The following ACTR3B variants were observed in gnomAD, a reference collection of about 807,000 sequenced individuals.
The protein encoded by ACTR3B is actin related protein 3B, also known as actin-related protein 3B.
Under a neutral mutation model 59.0 loss-of-function variants are expected in ACTR3B, and 8 were observed. The observed-to-expected ratio is 0.14, with a 90% CI of 0.08 to 0.24. The LOEUF is 0.24. Among genes scored for constraint, ACTR3B ranks in the 10% least tolerant of loss-of-function variants. The pLI, the probability that ACTR3B is intolerant of heterozygous loss-of-function variation, is 1.00. For synonymous variants in ACTR3B, 148 were observed against 197.9 expected (o/e 0.75, Z 2.12); for missense variants, 245 against 552.3 (o/e 0.44, Z 5.58).
intron 6 of ACTR3B, among the ~76,000 whole-genome samples, chr7:152,819,165 A>T (rs1258544437): frequency 6.6e-6 from 1 of 152,204 alleles, no homozygotes; most frequent in Non-Finnish European, 1.5e-5. Flanking sequence ...ATACCTTACA[A>T]ATACTTGGAC....
At chr7:152,823,899 G>A (rs141966362) in intron 8 of ACTR3B, among the ~76,000 whole-genome samples, 2,137 of 152,298 alleles carry the variant, frequency 0.014, 47 homozygotes, top group African/African-American at 0.047. Flanking sequence ...TATCTTTGGT[G>A]ATTGCCCTTC....
At chr7:152,801,414 G>A (rs996512360) in intron 3 of ACTR3B, among the ~76,000 whole-genome samples, 1 of 152,180 alleles carries the variant, frequency 6.6e-6, no homozygotes, top group Non-Finnish European at 1.5e-5. Context: ...TTCTTTGTTT[G>A]TGGAAATGAG....
intron 2 of ACTR3B, among the ~76,000 whole-genome samples, chr7:152,785,085 C>T (rs2098167134): frequency 6.6e-6 from 1 of 151,016 alleles, no homozygotes; most frequent in African/African-American, 2.5e-5. Flanking sequence ...TAGATTTTAA[C>T]CTTGTTAAGT....
chr7:152,787,822 C>A (rs2098179706), intron 2 of ACTR3B, among the ~76,000 whole-genome samples: 1 of 151,842 alleles, frequency 6.6e-6, no homozygotes, highest in East Asian at 1.9e-4. Context: ...GATTCCTACT[C>A]ATTTTTTTTC....
chr7:152,836,725 T>C (rs1381579721), intron 9 of ACTR3B, among the ~76,000 whole-genome samples: 1 of 152,266 alleles, frequency 6.6e-6, no homozygotes, highest in South Asian at 2.1e-4. Context: ...GATTCGCTGA[T>C]GAGAGCTTTC....
chr7:152,792,442 TA>T (rs1163323501), intron 2 of ACTR3B, among the ~76,000 whole-genome samples: 1 of 152,040 alleles, frequency 6.6e-6, no homozygotes, highest in African/African-American at 2.4e-5. Context: ...AATATTTATT[TA>T]TTTTTTTTTA....
intron 4 of ACTR3B, chr7:152,813,449 A>G (rs1178335087): frequency 6.6e-6 from 1 of 152,248 alleles, no homozygotes; most frequent in African/African-American, 2.4e-5. Flanking sequence ...TATTGTTTTA[A>G]AATAGATACT....
intron 4 of ACTR3B, among the ~76,000 whole-genome samples, chr7:152,805,698 A>ACCAGTGTAGACCTAG (rs566445801): frequency 4.6e-5 from 7 of 151,984 alleles, no homozygotes; most frequent in East Asian, 1.9e-4. Flanking sequence ...CACTTCACTA[A>ACCAGTGTAGACCTAG]CCAGTGTAGA....
intron 4 of ACTR3B, among the ~76,000 whole-genome samples, chr7:152,805,853 T>G (rs1305508957): frequency 6.6e-6 from 1 of 152,234 alleles, no homozygotes; most frequent in Non-Finnish European, 1.5e-5. Context: ...TTAAAAATGT[T>G]TCTTTACTGT....
chr7:152,790,169 T>G (rs2098190678), intron 2 of ACTR3B, among the ~76,000 whole-genome samples: 1 of 152,122 alleles, frequency 6.6e-6, no homozygotes, highest in Non-Finnish European at 1.5e-5. Context: ...ATTTTTAAAT[T>G]TTTCATAGAG....
intron 1 of ACTR3B, among the ~76,000 whole-genome samples, chr7:152,777,077 C>T (rs1214764157): frequency 6.6e-6 from 1 of 151,906 alleles, no homozygotes; most frequent in Non-Finnish European, 1.5e-5. Context: ...GGGTAGGTTC[C>T]TAGAAAGGCA....
intron 1 of ACTR3B, among the ~76,000 whole-genome samples, chr7:152,762,022 A>G (rs926374903): frequency 1.3e-5 from 2 of 152,184 alleles, no homozygotes; most frequent in Non-Finnish European, 2.9e-5. Flanking sequence ...TTGGGTGAAA[A>G]AAGCCTTTTT....
chr7:152,847,081 C>T (rs1043564474), intron 9 of ACTR3B, among the ~76,000 whole-genome samples: 56 of 141,026 alleles, frequency 4.0e-4, no homozygotes, highest in African/African-American at 1.1e-3. Flanking sequence ...CCCCAGTGTC[C>T]GGGCTGTAGT....
chr7:152,828,211 C>G (rs1273536380), intron 9 of ACTR3B, among the ~76,000 whole-genome samples: 1 of 152,062 alleles, frequency 6.6e-6, no homozygotes, highest in Non-Finnish European at 1.5e-5. Flanking sequence ...GAGGCGTGGC[C>G]TTTGCTAGTT....
chr7:152,852,345 C>A (rs1014341452), intron 10 of ACTR3B, 94 bp downstream of exon 10: 9 of 1,441,808 alleles, frequency 6.2e-6, no homozygotes, highest in Non-Finnish European at 7.4e-6. Context: ...CTTGTCTGGG[C>A]CGCGTAAAAT....
chr7:152,768,096 G>A (rs1222288621), intron 1 of ACTR3B, among the ~76,000 whole-genome samples: 3 of 152,198 alleles, frequency 2.0e-5, no homozygotes, highest in Non-Finnish European at 4.4e-5. Flanking sequence ...GGTGGCACAC[G>A]CCTGTAATCC....
intron 9 of ACTR3B, among the ~76,000 whole-genome samples, chr7:152,841,938 G>A (rs1027425087): frequency 3.9e-5 from 6 of 152,160 alleles, no homozygotes; most frequent in African/African-American, 7.2e-5. Flanking sequence ...TTAAATGTAC[G>A]GTTTGAAAAG....
chr7:152,852,172 G>A lies in ACTR3B; in HGVS notation c.998G>A (p.Arg333His). 1 of 1,614,004 alleles carries A rather than the reference G, an allele frequency of 6.2e-7. No homozygotes were observed. Among genetic ancestry groups the A allele is most frequent in the Non-Finnish European group, 8.5e-7 (1 of 1,179,970 alleles). ...TCCACCATGTTCAGGGATTTCGGAC[G>A]CCGACTGCAGAGGGATTTGAAGAGA... ...GGSTMFRDFGRRLQRDLKRVV... is the reference protein window; with the variant it reads ...GGSTMFRDFGHRLQRDLKRVV... Residue 333 changes from arginine to histidine, a missense_variant, in exon 10 of 12, where the codon CGC becomes CAC. Arg to His is a conservative substitution (Grantham distance 29). Transcript: ENST00000256001.
At chr7:152,805,344 C>G (rs2531014) in intron 4 of ACTR3B, among the ~76,000 whole-genome samples, 14 of 151,958 alleles carry the variant, frequency 9.2e-5, no homozygotes, top group African/African-American at 3.2e-4. Flanking sequence ...GAGGTCGAAG[C>G]GTCTGACTGG....
Sources: gnomAD v4.1 joint callset for allele counts (sites outside exome capture counted in the v4.1 genomes callset) on GRCh38, gnomAD v4.1.1 for gene constraint, MANE v1.5 for transcripts, NCBI Gene and HGNC (gene_info 2026-07-23, HGNC 2026-07-21) for gene names.